Variants in PM20D1 observed in about 807,000 individuals in gnomAD.
PM20D1 encodes the protein peptidase M20 domain containing 1, also known as N-fatty-acyl-amino acid synthase/hydrolase PM20D1.
A neutral mutation model predicts 53.8 loss-of-function variants in PM20D1; 53 were observed. The ratio of observed to expected loss-of-function variants is 0.98; its 90% CI spans 0.79 to 1.24. PM20D1 has a LOEUF of 1.24. Among genes scored for constraint, PM20D1 ranks in the 50% most tolerant of loss-of-function variants. The probability of loss-of-function intolerance (pLI) is 0.00; values close to 1 mark genes in which losing one functional copy is unlikely to be tolerated. For synonymous variants in PM20D1, 239 were observed against 241.3 expected (o/e 0.99, Z 0.09); for missense variants, 564 against 616.8 (o/e 0.91, Z 0.91).
intron 1 of PM20D1, among the ~76,000 whole-genome samples, chr1:205,848,745 G>T (rs957419400): frequency 2.6e-5 from 4 of 152,190 alleles, no homozygotes; most frequent in African/African-American, 9.6e-5. Flanking sequence ...TTCACCTGAG[G>T]CAGGAAGGGT....
rs1617278 is a variant in PM20D1 at position 205,830,431 on chromosome 1, G to T, written c.1286-52C>A. The stretch of plus-strand genomic sequence containing the variant: ...GGGCTTTACATGAGCAATCAAACCA[G>T]CGAAGTGGCTGGGGTGTGGCCTGGC... On this transcript the variant is annotated intron_variant, in intron 11 of 12. Transcript: ENST00000367136. 182 of 1,348,454 alleles carry T rather than the reference G, an allele frequency of 1.3e-4. No homozygotes were observed. The Middle Eastern group carries it at 1.8e-3, about 13-fold the overall frequency. The allele number at this position is 1,348,454 out of a possible 1,614,324, so 83.5% of individuals were successfully genotyped here. A position where few individuals can be genotyped will look rare whatever the true frequency, so the allele number is the denominator to read the frequency against.
chr1:205,846,564 C>T (rs1656990118), intron 2 of PM20D1, among the ~76,000 whole-genome samples: 1 of 151,970 alleles, frequency 6.6e-6, no homozygotes, highest in South Asian at 2.1e-4. Context: ...AATTAGTAGG[C>T]CTCATTAACC....
intron 2 of PM20D1, among the ~76,000 whole-genome samples, chr1:205,845,997 C>T (rs1264837621): frequency 2.7e-5 from 4 of 150,446 alleles, no homozygotes; most frequent in East Asian, 2.0e-4. Context: ...ACAGGAGAAT[C>T]GCTTGAACCT....
intron 10 of PM20D1, among the ~76,000 whole-genome samples, chr1:205,835,184 C>T (rs1193922840): frequency 6.6e-6 from 1 of 152,064 alleles, no homozygotes; most frequent in East Asian, 1.9e-4. Context: ...ATGTTTAGCC[C>T]AAGTTTCAAG....
In PM20D1 at chr1:205,842,001, C is replaced by T. The variant is rs549449710; in HGVS notation, c.966-112G>A. 6.2e-5 allele frequency: 75 copies of T among 1,210,332 alleles called. No homozygotes were observed. The East Asian group carries it at 6.8e-4, about 11-fold the overall frequency. 75.0% of individuals were successfully genotyped at this position (1,210,332 alleles called of 1,614,324 possible). On this transcript the variant is annotated intron_variant, in intron 8 of 12. Transcript: ENST00000367136. ...TGGGGATCTTTAAGACTGAGAGAGA[C>T]GTCTTAGAGATGTCTTAAATATACA... is the stretch of plus-strand genomic sequence containing the variant.
intron 10 of PM20D1, among the ~76,000 whole-genome samples, chr1:205,834,650 A>G (rs145400311): frequency 2.0e-4 from 30 of 152,354 alleles, no homozygotes; most frequent in African/African-American, 6.7e-4. Context: ...TAATACAAAT[A>G]TCCTAATACA....
chr1:205,845,257 TCAGC>T lies in PM20D1; in HGVS notation c.489+64_489+67del, dbSNP rs369396054. 74 of 1,482,764 alleles carry T rather than the reference TCAGC, an allele frequency of 5.0e-5. No individual in the cohort carries two copies. In the East Asian group the frequency reaches 1.2e-3, roughly 25 times the overall value. 91.9% of individuals were successfully genotyped at this position (1,482,764 alleles called of 1,614,324 possible). A position where few individuals can be genotyped will look rare whatever the true frequency, so the allele number is the denominator to read the frequency against. On this transcript the variant is annotated intron_variant, in intron 3 of 12. Transcript: ENST00000367136. ...TACCATTATCTCCCACCTCCCAGGG[TCAGC>T]CAAGCACCCCCATCCTGATTGATCT...
chr1:205,833,343 G>A (rs954851228), intron 10 of PM20D1, among the ~76,000 whole-genome samples: 1 of 152,196 alleles, frequency 6.6e-6, no homozygotes, highest in African/African-American at 2.4e-5. Context: ...CAATCATCTC[G>A]AGGCTGGGGA....
intron 10 of PM20D1, among the ~76,000 whole-genome samples, chr1:205,833,359 T>C (rs1424881491): frequency 1.3e-5 from 2 of 152,212 alleles, no homozygotes; most frequent in East Asian, 3.8e-4. Flanking sequence ...GGGGAATAGA[T>C]GTGATGACCT....
At position 205,844,126 on chromosome 1, in the gene PM20D1, A is replaced by G. The variant is rs761864541; in HGVS notation, c.668T>C (p.Leu223Ser). 19 of 1,613,846 alleles carry G rather than the reference A, an allele frequency of 1.2e-5. No individual in the cohort carries two copies. The highest frequency in any genetic ancestry group is 1.6e-5 in the Non-Finnish European group (19 of 1,179,938). The change falls in exon 5 of 13, where the codon TTG becomes TCG. Residue 223 changes from leucine to serine, a missense_variant. Leu to Ser is a moderately radical substitution (Grantham distance 145). Coordinates refer to ENST00000367136, the MANE Select transcript of PM20D1 (RefSeq NM_152491.5). Reference protein sequence around the residue: ...AFIVDEGGFILDDFIPNFKKP... With the variant: ...AFIVDEGGFISDDFIPNFKKP... ...CTTGAAGTTAGGAATGAAATCATCC[A>G]AGATGAAGCCCCCCTCGTCCACAAT...
In PM20D1 at chr1:205,828,686, G is replaced by GAATT; in HGVS notation, c.1439_1442dup (p.Phe481LeufsTer5). The stretch of plus-strand genomic sequence containing the variant: ...CAGCATTCTGAATCAACTCAAAGAT[G>GAATT]AATTTCACTTGGGTCTCATAGGCTT... On this transcript the variant is annotated frameshift_variant, in exon 13 of 13. Coordinates refer to ENST00000367136, the MANE Select transcript of PM20D1 (RefSeq NM_152491.5). LOFTEE classifies it high-confidence loss of function. The GAATT allele has an allele frequency of 6.2e-7, 1 of 1,614,194 alleles. No individual in the cohort carries two copies. Among genetic ancestry groups the GAATT allele is most frequent in the South Asian group, 1.1e-5 (1 of 91,078 alleles).
At chr1:205,834,694 C>G (rs146914340) in intron 10 of PM20D1, among the ~76,000 whole-genome samples, 16 of 152,314 alleles carry the variant, frequency 1.1e-4, no homozygotes, top group African/African-American at 3.6e-4. Flanking sequence ...TATTCTCAGC[C>G]CATTGGCAAG....
Position 205,828,553 on chromosome 1 carries a change from T to C in PM20D1, c.*67A>G. The C allele has an allele frequency of 1.3e-6, 2 of 1,590,876 alleles. No individual in the cohort carries two copies. The highest frequency in any genetic ancestry group is 2.2e-5 in the East Asian group (1 of 44,594). On this transcript the variant is annotated 3_prime_UTR_variant, in exon 13 of 13. Transcript: ENST00000367136. ...TTTTGATCAAAAGTTTCATCAACAC[T>C]AGCTTTCCCCCTTGGGTTAGTCCTG...
chr1:205,839,773 T>C (rs1206250944), intron 10 of PM20D1, among the ~76,000 whole-genome samples: 1 of 151,758 alleles, frequency 6.6e-6, no homozygotes, highest in East Asian at 1.9e-4. Flanking sequence ...TAGCCGGGCA[T>C]AGTGGCACGT....
Position 205,841,871 on chromosome 1 carries a change from G to C in PM20D1, c.984C>G (p.Pro328=), listed in dbSNP as rs780400817. Residue 328 remains proline (P), a synonymous_variant, in exon 9 of 13, where the codon CCC becomes CCG. Coordinates refer to ENST00000367136, the MANE Select transcript of PM20D1 (RefSeq NM_152491.5). ...TGGTCCTGATTATTGCATTGGTTAA[G>C]GGATTTCTCTCCATAAACCTAAAAC... ...PLISRFMERN[P]LTNAIIRTTT... 2.6e-6 allele frequency: 4 copies of C among 1,564,398 alleles called. No individual in the cohort carries two copies. The highest frequency in any genetic ancestry group is 3.5e-6 in the Non-Finnish European group (4 of 1,152,142).
At position 205,845,130 on chromosome 1, in the gene PM20D1, G is replaced by A. The variant is rs111692666; in HGVS notation, c.489+195C>T. Among the ~76,000 whole-genome samples the A allele has an allele frequency of 6.6e-3, 999 of 152,202 alleles. 10 individuals are homozygous for A. The highest frequency in any genetic ancestry group is 0.022 in the African/African-American group (920 of 41,520). On this transcript the variant is annotated intron_variant, in intron 3 of 12. Transcript: ENST00000367136. The stretch of plus-strand genomic sequence containing the variant: ...AGTGTCAGGACTGAAAGGGTCCCTG[G>A]GGACCATTCAATCCCATTTACAGCT...
At chr1:205,832,566 C>G (rs1353939083) in intron 11 of PM20D1, 32 bp downstream of exon 11, 1 of 1,611,438 alleles carries the variant, frequency 6.2e-7, no homozygotes, top group Admixed American at 1.7e-5. Context: ...CAGCCCCCTC[C>G]TCCCTCCAGC....
chr1:205,839,686 A>G (rs1333636939), intron 10 of PM20D1, among the ~76,000 whole-genome samples: 1 of 152,106 alleles, frequency 6.6e-6, no homozygotes, highest in Non-Finnish European at 1.5e-5. Context: ...TCTACTAAAA[A>G]TACAAAATAC....
chr1:205,846,521 G>T lies in PM20D1; in HGVS notation c.257-964C>A, dbSNP rs1330630534. On this transcript the variant is annotated intron_variant, in intron 2 of 12. Coordinates refer to ENST00000367136, the MANE Select transcript of PM20D1 (RefSeq NM_152491.5). ...CATTAAATTTTGACCATAGGAGGCCGCATTAACCAAATTATATTAAATTAT... is the reference window on the plus strand; with the variant it reads ...CATTAAATTTTGACCATAGGAGGCCTCATTAACCAAATTATATTAAATTAT... Among the ~76,000 whole-genome samples, 9 of 152,130 alleles carry T rather than the reference G, an allele frequency of 5.9e-5. No individual in the cohort carries two copies. In the East Asian group the frequency reaches 1.2e-3, roughly 19 times the overall value.
Sources: gnomAD v4.1 joint callset for allele counts (sites outside exome capture counted in the v4.1 genomes callset) on GRCh38, gnomAD v4.1.1 for gene constraint, MANE v1.5 for transcripts, NCBI Gene and HGNC (gene_info 2026-07-23, HGNC 2026-07-21) for gene names.